Variants in AUTS2 observed in about 807,000 individuals in gnomAD.
The protein encoded by AUTS2 is autism susceptibility gene 2 protein.
A neutral mutation model predicts 112.4 loss-of-function variants in AUTS2; 17 were observed. The observed-to-expected ratio is 0.15, with a 90% CI of 0.10 to 0.23. The LOEUF (loss-of-function observed/expected upper bound fraction) is 0.23, where lower values mean the gene tolerates loss of function less well. AUTS2 is among the 10% of genes least tolerant of loss of function. The probability of loss-of-function intolerance (pLI) is 1.00; values close to 1 mark genes in which losing one functional copy is unlikely to be tolerated. For synonymous variants in AUTS2, 751 were observed against 702.7 expected, an observed-to-expected ratio of 1.07 and a Z score of -1.09; for missense variants, 1,510 against 1,701.6, an observed-to-expected ratio of 0.89 and a Z score of 1.98.
intron 5 of AUTS2, among the ~76,000 whole-genome samples, chr7:70,641,118 C>T (rs1298008200): frequency 6.6e-6 from 1 of 152,198 alleles, no homozygotes; most frequent in African/African-American, 2.4e-5. Context: ...TAGTTATGCT[C>T]AGTACTTTCC....
intron 2 of AUTS2, among the ~76,000 whole-genome samples, chr7:70,036,738 G>C (rs1317785178): frequency 1.3e-5 from 2 of 152,204 alleles, no homozygotes; most frequent in Non-Finnish European, 2.9e-5. Context: ...AAAAGAGAAG[G>C]CCTCTGCCAG....
At chr7:69,691,809 A>C (rs577002307) in intron 1 of AUTS2, among the ~76,000 whole-genome samples, 3 of 152,078 alleles carry the variant, frequency 2.0e-5, no homozygotes, top group Non-Finnish European at 4.4e-5. Flanking sequence ...TGCTGCCATC[A>C]TCAGTGGGAC....
At chr7:69,645,660 G>C (rs1794988748) in intron 1 of AUTS2, among the ~76,000 whole-genome samples, 1 of 152,168 alleles carries the variant, frequency 6.6e-6, no homozygotes, top group Non-Finnish European at 1.5e-5. Flanking sequence ...TGCTTTGGGA[G>C]TCCCAGTGCC....
chr7:69,791,596 A>G (rs1408921852), intron 1 of AUTS2, among the ~76,000 whole-genome samples: 1 of 152,192 alleles, frequency 6.6e-6, no homozygotes, highest in Middle Eastern at 3.2e-3. Flanking sequence ...ATGGTATTGA[A>G]TTTGAAGGAG....
intron 1 of AUTS2, among the ~76,000 whole-genome samples, chr7:69,703,245 G>A (rs1228034510): frequency 6.6e-6 from 1 of 152,212 alleles, no homozygotes; most frequent in East Asian, 1.9e-4. Flanking sequence ...GTTTGCTGCT[G>A]TGCAAACCCA....
intron 4 of AUTS2, among the ~76,000 whole-genome samples, chr7:70,303,439 TACAC>T (rs371608891): frequency 0.02 from 2,795 of 143,258 alleles, 83 homozygotes; most frequent in African/African-American, 0.06. Context: ...CGCGCGCACA[TACAC>T]ACACACACAC....
At chr7:70,398,483 A>G (rs1364871371) in intron 4 of AUTS2, among the ~76,000 whole-genome samples, 1 of 151,768 alleles carries the variant, frequency 6.6e-6, no homozygotes, top group Non-Finnish European at 1.5e-5. Flanking sequence ...CTAGTTTTTT[A>G]TATTTTTTGA....
chr7:70,761,210 G>A (rs1194088147), intron 6 of AUTS2, among the ~76,000 whole-genome samples: 1 of 152,240 alleles, frequency 6.6e-6, no homozygotes, highest in Non-Finnish European at 1.5e-5. Flanking sequence ...AGGAGGCTGA[G>A]GCAGGAGGAT....
intron 5 of AUTS2, among the ~76,000 whole-genome samples, chr7:70,497,746 G>T (rs1798612607): frequency 6.6e-6 from 1 of 152,098 alleles, no homozygotes; most frequent in South Asian, 2.1e-4. Context: ...TTTCGCTGAG[G>T]TCCTGTGTTA....
intron 2 of AUTS2, among the ~76,000 whole-genome samples, chr7:70,032,502 A>T (rs146169822): frequency 8.1e-4 from 124 of 152,246 alleles, no homozygotes; most frequent in African/African-American, 2.9e-3. Context: ...CCTGAATTTG[A>T]ATTTTATACC....
At chr7:70,025,619 G>A (rs2038141564) in intron 2 of AUTS2, among the ~76,000 whole-genome samples, 1 of 151,244 alleles carries the variant, frequency 6.6e-6, no homozygotes, top group African/African-American at 2.4e-5. Flanking sequence ...GCCTGGCTAA[G>A]TTTGTTTTGT....
intron 6 of AUTS2, among the ~76,000 whole-genome samples, chr7:70,720,705 AC>A (rs1786592101): frequency 6.6e-6 from 1 of 152,160 alleles, no homozygotes; most frequent in Admixed American, 6.5e-5. Context: ...CTTCAGAATT[AC>A]AGGACTTTAG....
intron 2 of AUTS2, among the ~76,000 whole-genome samples, chr7:69,984,297 C>T (rs935862244): frequency 2.7e-5 from 4 of 150,718 alleles, no homozygotes; most frequent in Non-Finnish European, 4.4e-5. Flanking sequence ...GTCCCAGCTA[C>T]TTGGGAGGCT....
chr7:70,650,911 G>T (rs2129541715), intron 5 of AUTS2, among the ~76,000 whole-genome samples: 1 of 152,260 alleles, frequency 6.6e-6, no homozygotes, highest in South Asian at 2.1e-4. Flanking sequence ...TTCAAATCAG[G>T]GGAAGAAAGG....
intron 2 of AUTS2, among the ~76,000 whole-genome samples, chr7:69,990,050 G>C (rs188207490): frequency 1.3e-5 from 2 of 152,118 alleles, no homozygotes; most frequent in Non-Finnish European, 2.9e-5. Flanking sequence ...AAAATGGTTG[G>C]GGACCGCTGA....
intron 4 of AUTS2, among the ~76,000 whole-genome samples, chr7:70,254,658 A>G (rs561342079): frequency 1.3e-5 from 2 of 152,154 alleles, no homozygotes; most frequent in South Asian, 2.1e-4. Context: ...ACTTTCCTTT[A>G]CCCTTCTCTT....
At chr7:70,410,220 G>T (rs910020445) in intron 4 of AUTS2, among the ~76,000 whole-genome samples, 1 of 152,080 alleles carries the variant, frequency 6.6e-6, no homozygotes, top group African/African-American at 2.4e-5. Context: ...GGAAGGCTGG[G>T]CCTAGGCTGC....
At chr7:70,729,138 A>G (rs1230930031) in intron 6 of AUTS2, 2 of 454,996 alleles carry the variant, frequency 4.4e-6, no homozygotes, top group African/African-American at 2.0e-5. Flanking sequence ...ACCCTCCATC[A>G]CTCTTTTTCT....
At chr7:69,828,928 T>C (rs1389607917) in intron 1 of AUTS2, among the ~76,000 whole-genome samples, 1 of 152,146 alleles carries the variant, frequency 6.6e-6, no homozygotes, top group Non-Finnish European at 1.5e-5. Context: ...TATTTCTTCT[T>C]ATTGGAAAGT....
Sources: allele counts gnomAD v4.1 joint callset (sites outside exome capture counted in the v4.1 genomes callset), GRCh38; gene constraint gnomAD v4.1.1; transcripts MANE v1.5; gene names NCBI Gene and HGNC (gene_info 2026-07-23, HGNC 2026-07-21).